PRIM2: variants seen among roughly 807,000 people sequenced by gnomAD.
The protein encoded by PRIM2 is DNA primase subunit 2, also known as DNA primase large subunit.
PRIM2 carries 39 observed loss-of-function variants against 67.3 expected under a neutral mutation model. The ratio of observed to expected loss-of-function variants is 0.58; its 90% confidence interval spans 0.45 to 0.76. The LOEUF (loss-of-function observed/expected upper bound fraction) is 0.76. PRIM2 is among the 30% of genes least tolerant of loss of function. The pLI is 0.00. For synonymous variants in PRIM2, 143 were observed against 198.7 expected, an observed-to-expected ratio of 0.72 and a Z score of 2.36; for missense variants, 398 against 598.7, an observed-to-expected ratio of 0.66 and a Z score of 3.50.
intron 8 of PRIM2, among the ~76,000 whole-genome samples, chr6:57,528,733 C>G (rs2127466936): frequency 6.6e-6 from 1 of 152,316 alleles, no homozygotes; most frequent in African/African-American, 2.4e-5. Flanking sequence ...ATGGCATGGC[C>G]TAGTACTTCC....
chr6:57,342,238 A>T (rs1258397844), intron 5 of PRIM2, among the ~76,000 whole-genome samples: 1 of 152,200 alleles, frequency 6.6e-6, no homozygotes, highest in East Asian at 1.9e-4. Context: ...TCAAAAAGGA[A>T]ACTGATATTT....
the PRIM2 span, among the ~76,000 whole-genome samples, chr6:57,293,751 C>G: frequency 1.3e-5 from 2 of 151,430 alleles, no homozygotes; most frequent in Non-Finnish European, 2.9e-5. Context: ...AAACCTAACA[C>G]TGCATGTTCC....
chr6:57,418,295 T>C (rs1771337094), intron 7 of PRIM2, among the ~76,000 whole-genome samples: 1 of 143,212 alleles, frequency 7.0e-6, no homozygotes. Context: ...AAAAAAAGAA[T>C]CCTAGAGCCG....
intron 7 of PRIM2, among the ~76,000 whole-genome samples, chr6:57,474,657 G>C (rs1773431497): frequency 6.6e-6 from 1 of 152,086 alleles, no homozygotes; most frequent in African/African-American, 2.4e-5. Context: ...GCTGCTGTTT[G>C]AATGTGGCCT....
the PRIM2 span, among the ~76,000 whole-genome samples, chr6:57,280,201 G>A: frequency 6.6e-6 from 1 of 152,084 alleles, no homozygotes; most frequent in Non-Finnish European, 1.5e-5. Context: ...AAGAAAATTT[G>A]GAGGTGACAG....
intron 8 of PRIM2, among the ~76,000 whole-genome samples, chr6:57,532,040 T>G (rs1461411731): frequency 1.3e-5 from 2 of 152,164 alleles, no homozygotes; most frequent in Non-Finnish European, 2.9e-5. Context: ...CACCTACTAC[T>G]TTTAAGTGAT....
At chr6:57,226,195 G>A in the PRIM2 span, among the ~76,000 whole-genome samples, 1 of 152,128 alleles carries the variant, frequency 6.6e-6, no homozygotes, top group Non-Finnish European at 1.5e-5. Context: ...ACACACATAT[G>A]CACACATATA....
upstream of PRIM2, among the ~76,000 whole-genome samples, chr6:57,313,361 G>T (rs1767423122): frequency 6.6e-6 from 1 of 152,120 alleles, no homozygotes; most frequent in African/African-American, 2.4e-5. Context: ...ATTTATAAGA[G>T]CAGGATTTTT....
upstream of PRIM2, among the ~76,000 whole-genome samples, chr6:57,315,660 T>C (rs569481720): frequency 1.8e-4 from 27 of 152,336 alleles, no homozygotes; most frequent in East Asian, 4.4e-3. Flanking sequence ...AGGATTTTTT[T>C]CCTAATGAGT....
chr6:57,344,786 T>C (rs1768614793), intron 5 of PRIM2, among the ~76,000 whole-genome samples: 1 of 152,174 alleles, frequency 6.6e-6, no homozygotes, highest in Non-Finnish European at 1.5e-5. Context: ...CAGATGGTCT[T>C]AGTGACAATA....
intron 7 of PRIM2, among the ~76,000 whole-genome samples, chr6:57,485,833 G>C (rs1326875785): frequency 6.6e-6 from 1 of 152,182 alleles, no homozygotes; most frequent in Non-Finnish European, 1.5e-5. Flanking sequence ...GTGTTTTGCA[G>C]GGTCACAGTT....
At chr6:57,303,309 T>G in the PRIM2 span, among the ~76,000 whole-genome samples, 12 of 152,186 alleles carry the variant, frequency 7.9e-5, no homozygotes, top group Admixed American at 7.9e-4. Context: ...ATGATTTTTT[T>G]TTTAGTGCAA....
chr6:57,607,410 T>C (rs1230716307), intron 12 of PRIM2, among the ~76,000 whole-genome samples: 1 of 151,908 alleles, frequency 6.6e-6, no homozygotes, highest in African/African-American at 2.4e-5. Flanking sequence ...GAGGTACACA[T>C]AGACTGTCTT....
At chr6:57,506,732 T>C (rs1342397064) in intron 7 of PRIM2, among the ~76,000 whole-genome samples, 1 of 152,062 alleles carries the variant, frequency 6.6e-6, no homozygotes, top group Non-Finnish European at 1.5e-5. Context: ...TAATTAATAT[T>C]ATTGTAATAA....
chr6:57,307,566 T>C, the PRIM2 span, among the ~76,000 whole-genome samples: 1 of 152,100 alleles, frequency 6.6e-6, no homozygotes, highest in African/African-American at 2.4e-5. Context: ...AGAGATTATT[T>C]ACAAAGGTGT....
chr6:57,562,603 A>T (rs1486934514), intron 10 of PRIM2, among the ~76,000 whole-genome samples: 7 of 152,188 alleles, frequency 4.6e-5, no homozygotes, highest in Non-Finnish European at 5.9e-5. Flanking sequence ...TCTATGTTCT[A>T]GATTATACAA....
the PRIM2 span, among the ~76,000 whole-genome samples, chr6:57,224,264 A>T: frequency 1.3e-5 from 2 of 152,158 alleles, no homozygotes; most frequent in African/African-American, 2.4e-5. Flanking sequence ...CTGTCTCAAA[A>T]ATAAAAGAGA....
chr6:57,344,917 C>T (rs1768619473), intron 5 of PRIM2, among the ~76,000 whole-genome samples: 3 of 151,964 alleles, frequency 2.0e-5, no homozygotes, highest in Non-Finnish European at 4.4e-5. Flanking sequence ...GCTGAATTAC[C>T]CTTAAAGGCT....
At chr6:57,395,201 C>T (rs1442067803) in intron 7 of PRIM2, among the ~76,000 whole-genome samples, 1 of 152,166 alleles carries the variant, frequency 6.6e-6, no homozygotes, top group Non-Finnish European at 1.5e-5. Flanking sequence ...AGGGTTCCTT[C>T]TTTCTCTATC....
Sources: allele counts gnomAD v4.1 joint callset (sites outside exome capture counted in the v4.1 genomes callset), GRCh38; gene constraint gnomAD v4.1.1; transcripts MANE v1.5; gene names NCBI Gene and HGNC (gene_info 2026-07-23, HGNC 2026-07-21).